Variants in ARHGEF3 observed in about 807,000 individuals in gnomAD.
ARHGEF3 encodes 59.8 kDA protein.
ARHGEF3 carries 28 observed loss-of-function variants against 63.2 expected under a neutral mutation model. That is an observed-to-expected ratio of 0.44 (90% CI 0.33 to 0.61). ARHGEF3 has a LOEUF of 0.61. Ranked by LOEUF, ARHGEF3 falls within the 20% of genes least tolerant of loss-of-function variation. The pLI is 0.03. For missense variants in ARHGEF3, 533 were observed against 659.3 expected, an observed-to-expected ratio of 0.81 and a Z score of 2.10; for synonymous variants, 266 against 254.2, an observed-to-expected ratio of 1.05 and a Z score of -0.44.
chr3:56,864,868 T>G (rs567283993), intron 4 of ARHGEF3, among the ~76,000 whole-genome samples: 1 of 152,264 alleles, frequency 6.6e-6, no homozygotes, highest in South Asian at 2.1e-4. Flanking sequence ...TAATAAAATT[T>G]CAAAGTTTAC....
chr3:56,970,098 G>T (rs1318077271), intron 2 of ARHGEF3, among the ~76,000 whole-genome samples: 2 of 152,288 alleles, frequency 1.3e-5, no homozygotes, highest in East Asian at 1.9e-4. Context: ...TGATGAAAAG[G>T]TTCTGGAATT....
chr3:56,995,253 G>A (rs781264414), intron 2 of ARHGEF3, among the ~76,000 whole-genome samples: 1 of 151,986 alleles, frequency 6.6e-6, no homozygotes, highest in Non-Finnish European at 1.5e-5. Flanking sequence ...AGCTGAGGCC[G>A]GCGTCTGGGG....
At chr3:56,836,259 G>A (rs1662171462) in intron 4 of ARHGEF3, among the ~76,000 whole-genome samples, 1 of 152,198 alleles carries the variant, frequency 6.6e-6, no homozygotes, top group African/African-American at 2.4e-5. Flanking sequence ...AGGGAAGAAA[G>A]CCAGCATTAG....
intron 2 of ARHGEF3, among the ~76,000 whole-genome samples, chr3:56,981,347 C>G (rs1579014472): frequency 6.6e-6 from 1 of 152,130 alleles, no homozygotes; most frequent in African/African-American, 2.4e-5. Flanking sequence ...AGCATGACAT[C>G]CATGACAGTG....
rs561361618 is a variant in ARHGEF3 at position 57,074,295 on chromosome 3, G to C, written c.-28+4931C>G. The C allele has an allele frequency of 3.8e-6, 6 of 1,585,218 alleles. 1 individual carries two copies. In the African/African-American group the frequency reaches 8.0e-5, roughly 21 times the overall value. ...AATAATAATCCTGCAACATCTGAGA[G>C]TCTGGCAGCTGTTTGTCTGGGCCTT... On this transcript the variant is annotated intron_variant, in intron 1 of 12. Coordinates refer to the ARHGEF3 transcript ENST00000338458.
intron 4 of ARHGEF3, among the ~76,000 whole-genome samples, chr3:56,824,268 A>T (rs1248198210): frequency 2.0e-5 from 3 of 152,244 alleles, no homozygotes; most frequent in African/African-American, 7.2e-5. Context: ...TGTCAGTGAT[A>T]AAAATGGAGA....
intron 1 of ARHGEF3, among the ~76,000 whole-genome samples, chr3:56,784,070 T>C (rs1309644753): frequency 6.6e-6 from 1 of 152,212 alleles, no homozygotes; most frequent in African/African-American, 2.4e-5. Flanking sequence ...CCAGACATGA[T>C]GCTACAGACC....
At chr3:56,921,144 G>A (rs1399136575) in intron 3 of ARHGEF3, among the ~76,000 whole-genome samples, 2 of 150,074 alleles carry the variant, frequency 1.3e-5, no homozygotes, top group South Asian at 2.1e-4. Flanking sequence ...ACATGAGGAT[G>A]GCTTGAGCCC....
intron 1 of ARHGEF3, among the ~76,000 whole-genome samples, chr3:57,078,376 G>A (rs1706309673): frequency 6.6e-6 from 1 of 152,194 alleles, no homozygotes; most frequent in Non-Finnish European, 1.5e-5. Context: ...CCTGGGCCAG[G>A]CAATAAATCC....
chr3:57,044,513 C>T (rs753694887), intron 1 of ARHGEF3, among the ~76,000 whole-genome samples: 3 of 152,198 alleles, frequency 2.0e-5, no homozygotes, highest in South Asian at 2.1e-4. Flanking sequence ...ATGACAGCAT[C>T]GTACTTGCTC....
chr3:56,740,574 A>G (rs1001094887), intron 7 of ARHGEF3, among the ~76,000 whole-genome samples: 2 of 152,242 alleles, frequency 1.3e-5, no homozygotes, highest in Non-Finnish European at 2.9e-5. Context: ...AACCTGTTCC[A>G]TGTTAGACGA....
intron 2 of ARHGEF3, among the ~76,000 whole-genome samples, chr3:56,992,862 C>G (rs1303706748): frequency 6.6e-6 from 1 of 152,176 alleles, no homozygotes; most frequent in Non-Finnish European, 1.5e-5. Context: ...GAGATGGAGA[C>G]TCACTCTGTT....
chr3:56,865,482 G>A (rs1394453890), intron 4 of ARHGEF3, among the ~76,000 whole-genome samples: 1 of 152,154 alleles, frequency 6.6e-6, no homozygotes, highest in African/African-American at 2.4e-5. Flanking sequence ...ATTTTTTAAA[G>A]CCAATGTTTT....
At chr3:56,919,163 A>G (rs907369629) in intron 3 of ARHGEF3, among the ~76,000 whole-genome samples, 5 of 152,178 alleles carry the variant, frequency 3.3e-5, no homozygotes, top group Non-Finnish European at 5.9e-5. Flanking sequence ...GTGAGCAGAC[A>G]TTCTAATTTT....
At chr3:57,059,683 G>A (rs931513715) in intron 1 of ARHGEF3, among the ~76,000 whole-genome samples, 1 of 152,100 alleles carries the variant, frequency 6.6e-6, no homozygotes, top group Non-Finnish European at 1.5e-5. Context: ...TGCCTGATGG[G>A]GTGACAATGA....
chr3:56,816,600 G>A (rs2038279202), intron 4 of ARHGEF3, among the ~76,000 whole-genome samples: 1 of 152,204 alleles, frequency 6.6e-6, no homozygotes, highest in African/African-American at 2.4e-5. Flanking sequence ...AGCCGAAGAG[G>A]TGTTTGCTCT....
At chr3:56,757,667 ATTG>A (rs979412693) in intron 2 of ARHGEF3, among the ~76,000 whole-genome samples, 37 of 151,732 alleles carry the variant, frequency 2.4e-4, no homozygotes, top group Non-Finnish European at 8.8e-5. Flanking sequence ...ACAAAATTCT[ATTG>A]TTGTTTCATG....
chr3:56,823,409 C>T (rs1425799662), intron 4 of ARHGEF3, among the ~76,000 whole-genome samples: 1 of 152,068 alleles, frequency 6.6e-6, no homozygotes, highest in East Asian at 1.9e-4. Flanking sequence ...CAGGCATATC[C>T]TAACTGCATC....
rs544100001 is a variant in ARHGEF3, at chr3:56,947,546, G to A, written c.129+11277C>T. 4.1e-4 allele frequency among the ~76,000 whole-genome samples: 62 copies of A among 152,220 alleles called. No homozygotes were observed. In the East Asian group the frequency reaches 9.6e-3, roughly 24 times the overall value. On this transcript the variant is annotated intron_variant, in intron 3 of 12. Coordinates refer to the ARHGEF3 transcript ENST00000338458. ...GAGACAAAGAAGGCCATTACATAATGGTAAAGAGATCAATTCAACAAGAAG... is the reference window on the plus strand; with the variant it reads ...GAGACAAAGAAGGCCATTACATAATAGTAAAGAGATCAATTCAACAAGAAG...
Sources: gnomAD v4.1 joint callset for allele counts (sites outside exome capture counted in the v4.1 genomes callset) on GRCh38, gnomAD v4.1.1 for gene constraint, MANE v1.5 for transcripts, NCBI Gene and HGNC (gene_info 2026-07-23, HGNC 2026-07-21) for gene names.